Variants in EHBP1 observed in about 807,000 individuals in gnomAD.
EHBP1 encodes EH domain binding protein 1.
A neutral mutation model predicts 144.0 loss-of-function variants in EHBP1; 55 were observed. The observed-to-expected ratio is 0.38, with a 90% CI of 0.31 to 0.48. The LOEUF (loss-of-function observed/expected upper bound fraction) is 0.48. Ranked by LOEUF, EHBP1 falls within the 20% of genes least tolerant of loss-of-function variation. The pLI, the probability that EHBP1 is intolerant of heterozygous loss-of-function variation, is 0.98. For missense variants in EHBP1, 1,200 were observed against 1,364.2 expected (o/e 0.88, Z 1.90); for synonymous variants, 469 against 472.7 (o/e 0.99, Z 0.10).
In EHBP1 at chr2:62,997,427, C is replaced by A. The variant is rs979725476; in HGVS notation, c.3103+661C>A. Among the ~76,000 whole-genome samples the A allele has an allele frequency of 5.0e-5, 7 of 139,870 alleles. No homozygotes were observed. In the East Asian group the frequency reaches 6.5e-4, roughly 13 times the overall value. 91.8% of individuals were successfully genotyped at this position (139,870 alleles called of 152,430 possible). On this transcript the variant is annotated intron_variant, in intron 19 of 22. Transcript: ENST00000431489. ...CACAATAAGCAATTGGAAAGGAACT[C>A]ATGTGTGTGTGTGTGTGTGTGTGTG...
At chr2:62,941,088 A>G (rs1186970099) in intron 10 of EHBP1, among the ~76,000 whole-genome samples, 1 of 152,186 alleles carries the variant, frequency 6.6e-6, no homozygotes, top group African/African-American at 2.4e-5. Context: ...AATTTGATAT[A>G]GAAAAACATT....
intron 2 of EHBP1, among the ~76,000 whole-genome samples, chr2:62,718,852 A>G (rs555410554): frequency 4.3e-4 from 66 of 152,316 alleles, no homozygotes; most frequent in African/African-American, 1.5e-3. Flanking sequence ...TAGCTGTGCC[A>G]TTTTAGCTGC....
At chr2:62,932,673 G>A (rs2056094201) in intron 10 of EHBP1, among the ~76,000 whole-genome samples, 1 of 152,130 alleles carries the variant, frequency 6.6e-6, no homozygotes, top group Admixed American at 6.5e-5. Flanking sequence ...ATGGTTAAGG[G>A]CTGGGCATGG....
intron 10 of EHBP1, among the ~76,000 whole-genome samples, chr2:62,935,342 A>ATATAT (rs1326810452): frequency 2.4e-5 from 3 of 127,074 alleles, no homozygotes; most frequent in Non-Finnish European, 3.6e-5. Context: ...AAAAAAAAAA[A>ATATAT]AAATATATAT....
At chr2:62,893,106 G>C (rs1014760626) in intron 10 of EHBP1, among the ~76,000 whole-genome samples, 1 of 152,040 alleles carries the variant, frequency 6.6e-6, no homozygotes, top group African/African-American at 2.4e-5. Context: ...TCTGAAGGAG[G>C]CATCCAAGTA....
At chr2:62,731,009 G>A (rs1047364158) in intron 2 of EHBP1, among the ~76,000 whole-genome samples, 4 of 150,688 alleles carry the variant, frequency 2.7e-5, no homozygotes, top group African/African-American at 7.3e-5. Flanking sequence ...ATCAAATTGG[G>A]AAGAACTGCA....
chr2:63,015,141 C>G (rs1010201327), intron 19 of EHBP1, among the ~76,000 whole-genome samples: 2 of 152,132 alleles, frequency 1.3e-5, no homozygotes, highest in Non-Finnish European at 2.9e-5. Flanking sequence ...TTTGATGTTT[C>G]TATATACTGT....
chr2:62,674,481 T>C (rs1386488985), intron 1 of EHBP1, among the ~76,000 whole-genome samples: 1 of 152,236 alleles, frequency 6.6e-6, no homozygotes, highest in Non-Finnish European at 1.5e-5. Context: ...TATTCCTGCT[T>C]TTTAATTATA....
chr2:63,028,085 A>C (rs1428128129), intron 19 of EHBP1, among the ~76,000 whole-genome samples: 1 of 152,128 alleles, frequency 6.6e-6, no homozygotes, highest in Non-Finnish European at 1.5e-5. Flanking sequence ...TTTTACTTCA[A>C]AATTACTAAG....
In EHBP1 at chr2:62,782,822, A is replaced by G. The variant is rs192905817; in HGVS notation, c.312+11430A>G. On this transcript the variant is annotated intron_variant, in intron 5 of 22. Coordinates refer to ENST00000431489, the MANE Select transcript of EHBP1 (RefSeq NM_001142616.3). ...TCATTCAGTCCCTGGCCCCTCCCAT[A>G]TCTCATGTCTTCACGTTTCAAAACA... Among the ~76,000 whole-genome samples, 530 of 152,180 alleles carry G rather than the reference A, an allele frequency of 3.5e-3. 3 individuals carry two copies. Among genetic ancestry groups the G allele is most frequent in the African/African-American group, 0.012 (513 of 41,530 alleles).
chr2:62,767,833 C>CAA (rs1208266767), intron 4 of EHBP1, among the ~76,000 whole-genome samples: 244 of 76,346 alleles, frequency 3.2e-3, no homozygotes, highest in Admixed American at 5.8e-3. Flanking sequence ...AAGACTCTGT[C>CAA]AAAAAAAAAA....
At chr2:62,759,874 T>C (rs1573189307) in intron 3 of EHBP1, among the ~76,000 whole-genome samples, 1 of 152,246 alleles carries the variant, frequency 6.6e-6, no homozygotes, top group East Asian at 1.9e-4. Flanking sequence ...TGTAGTAAAT[T>C]CTTAGAAAAC....
chr2:62,863,698 T>C (rs983154471), intron 8 of EHBP1, among the ~76,000 whole-genome samples: 1 of 152,094 alleles, frequency 6.6e-6, no homozygotes, highest in African/African-American at 2.4e-5. Context: ...CCTGTGAGTA[T>C]ATATACGACA....
At chr2:62,819,852 A>C (rs2045766320) in intron 5 of EHBP1, among the ~76,000 whole-genome samples, 1 of 152,120 alleles carries the variant, frequency 6.6e-6, no homozygotes, top group African/African-American at 2.4e-5. Context: ...CATGTAATTG[A>C]ATATTAGGAG....
chr2:62,675,937 G>C (rs1441030149), intron 1 of EHBP1, among the ~76,000 whole-genome samples: 1 of 152,072 alleles, frequency 6.6e-6, no homozygotes, highest in Admixed American at 6.5e-5. Flanking sequence ...TTATTTTTTG[G>C]TAGAGAAGGG....
chr2:62,780,204 G>T (rs2042330547), intron 5 of EHBP1, among the ~76,000 whole-genome samples: 1 of 151,872 alleles, frequency 6.6e-6, no homozygotes, highest in Admixed American at 6.6e-5. Flanking sequence ...AAAAAAAATT[G>T]ACTATATAAG....
intron 19 of EHBP1, among the ~76,000 whole-genome samples, chr2:63,001,335 G>T (rs1205035396): frequency 6.6e-6 from 1 of 152,104 alleles, no homozygotes; most frequent in Non-Finnish European, 1.5e-5. Context: ...TGATACTGTA[G>T]CTTTTCGTAG....
chr2:62,855,239 G>A (rs962235023), intron 7 of EHBP1, among the ~76,000 whole-genome samples: 4 of 152,298 alleles, frequency 2.6e-5, no homozygotes, highest in Non-Finnish European at 5.9e-5. Context: ...AGCTGAGCTC[G>A]GGTGCTGTCA....
rs149368964 is a variant in EHBP1 at position 62,733,935 on chromosome 2, C to T, written c.105-13460C>T. Among the ~76,000 whole-genome samples, 9 of 152,292 alleles carry T rather than the reference C, an allele frequency of 5.9e-5. No homozygotes were observed. In the East Asian group the frequency reaches 1.7e-3, roughly 29 times the overall value. Reference sequence around the variant, plus strand: ...TGCTTCTCCTGTAAGTTGTGATTCTCTTTGTCTGCCTTTCACTCCAGTTTT... The same window carrying T: ...TGCTTCTCCTGTAAGTTGTGATTCTTTTTGTCTGCCTTTCACTCCAGTTTT... On this transcript the variant is annotated intron_variant, in intron 2 of 22. Coordinates refer to ENST00000431489, the MANE Select transcript of EHBP1 (RefSeq NM_001142616.3).
Sources: gnomAD v4.1 joint callset for allele counts (sites outside exome capture counted in the v4.1 genomes callset) on GRCh38, gnomAD v4.1.1 for gene constraint, MANE v1.5 for transcripts, NCBI Gene and HGNC (gene_info 2026-07-23, HGNC 2026-07-21) for gene names.